Variants in SEMA5A observed in about 807,000 individuals in gnomAD.
The protein encoded by SEMA5A is semaphorin 5A.
In SEMA5A, 55 loss-of-function variants were observed where a neutral mutation model predicts 135.5. The ratio of observed to expected loss-of-function variants is 0.41; its 90% CI spans 0.33 to 0.51. SEMA5A has a LOEUF of 0.51. SEMA5A is among the 20% of genes least tolerant of loss of function. The pLI, the probability that SEMA5A is intolerant of heterozygous loss-of-function variation, is 0.37. For missense variants in SEMA5A, 1,290 were observed against 1,419.9 expected, an observed-to-expected ratio of 0.91 and a Z score of 1.47; for synonymous variants, 580 against 546.5, an observed-to-expected ratio of 1.06 and a Z score of -0.85.
chr5:9,275,172 T>C (rs893456777), intron 5 of SEMA5A, among the ~76,000 whole-genome samples: 25 of 151,986 alleles, frequency 1.6e-4, no homozygotes, highest in African/African-American at 6.0e-4. Context: ...CCCACAGAAA[T>C]GCAAACTACC....
rs1005670820 is a variant in SEMA5A at position 9,036,461 on chromosome 5, C to G, written c.*6436G>C. The G allele has an allele frequency of 6.6e-6, 1 of 152,154 alleles. No homozygotes were observed. The highest frequency in any genetic ancestry group is 2.4e-5 in the African/African-American group (1 of 41,438). The allele number at this position is 152,154 out of a possible 1,614,324, so 9.4% of individuals were successfully genotyped here. A position where few individuals can be genotyped will look rare whatever the true frequency, so the allele number is the denominator to read the frequency against. ...CAGCCTGTGTCTGATTTTCCTCTAT[C>G]TATGGACTTGCCTGAAGAGAAACAG... is the stretch of plus-strand genomic sequence containing the variant. On this transcript the variant is annotated 3_prime_UTR_variant, in exon 23 of 23. Transcript: ENST00000382496.
intron 10 of SEMA5A, among the ~76,000 whole-genome samples, chr5:9,193,755 T>C (rs1745236406): frequency 6.6e-6 from 1 of 152,036 alleles, no homozygotes; most frequent in African/African-American, 2.4e-5. Context: ...AAAAAATGCC[T>C]GGCGTGGTGG....
intron 18 of SEMA5A, among the ~76,000 whole-genome samples, chr5:9,054,601 C>T (rs1736786554): frequency 6.6e-6 from 1 of 152,176 alleles, no homozygotes; most frequent in South Asian, 2.1e-4. Context: ...AATTCCAGCC[C>T]CTGAGAACAA....
intron 2 of SEMA5A, among the ~76,000 whole-genome samples, chr5:9,389,022 C>CGAT (rs1554029589): frequency 2.0e-5 from 3 of 152,174 alleles, no homozygotes; most frequent in Non-Finnish European, 4.4e-5. Flanking sequence ...GAAGAAAAGA[C>CGAT]GATACCCTTC....
chr5:9,471,370 A>G (rs536176088), intron 1 of SEMA5A, among the ~76,000 whole-genome samples: 1 of 152,262 alleles, frequency 6.6e-6, no homozygotes, highest in East Asian at 1.9e-4. Flanking sequence ...GAGATAGCCT[A>G]AAATTGCCTT....
intron 5 of SEMA5A, among the ~76,000 whole-genome samples, chr5:9,278,126 A>AG (rs113378738): frequency 0.025 from 3,724 of 151,884 alleles, 122 homozygotes; most frequent in African/African-American, 0.061. Flanking sequence ...AAAAAAAAAA[A>AG]AAGAAGTCCC....
At position 9,377,955 on chromosome 5, in the gene SEMA5A, G is replaced by A. The variant is rs907600061; in HGVS notation, c.124+1868C>T. On this transcript the variant is annotated intron_variant, in intron 3 of 22. Coordinates refer to ENST00000382496, the MANE Select transcript of SEMA5A (RefSeq NM_003966.3). Reference sequence around the variant, plus strand: ...GTAAAGAAGCTCTCAAAGATGACTTGGATGGAGTCAGAAGAGTCCAGAAGC... The same window carrying A: ...GTAAAGAAGCTCTCAAAGATGACTTAGATGGAGTCAGAAGAGTCCAGAAGC... Among the ~76,000 whole-genome samples, 3 of 152,126 alleles carry A rather than the reference G, an allele frequency of 2.0e-5. No individual in the cohort carries two copies. In the East Asian group the frequency reaches 5.8e-4, roughly 29 times the overall value.
chr5:9,051,847 T>C (rs555277167), intron 20 of SEMA5A, 26 bp downstream of exon 20: 1 of 1,613,974 alleles, frequency 6.2e-7, no homozygotes, highest in African/African-American at 1.3e-5. Context: ...GATTTTATTC[T>C]TACTGATAAA....
chr5:9,433,712 TA>T (rs569165076), intron 2 of SEMA5A, among the ~76,000 whole-genome samples: 62 of 150,904 alleles, frequency 4.1e-4, no homozygotes, highest in Non-Finnish European at 5.8e-4. Flanking sequence ...ATAAAATATA[TA>T]AAAAAAGAAT....
chr5:9,078,978 G>A (rs1738222640), intron 16 of SEMA5A, among the ~76,000 whole-genome samples: 1 of 151,796 alleles, frequency 6.6e-6, no homozygotes, highest in Non-Finnish European at 1.5e-5. Flanking sequence ...TAAGTTTTGA[G>A]CTTTTGAGAA....
At chr5:9,454,468 G>A (rs1758758700) in intron 1 of SEMA5A, among the ~76,000 whole-genome samples, 1 of 152,196 alleles carries the variant, frequency 6.6e-6, no homozygotes, top group African/African-American at 2.4e-5. Context: ...TCTGTTCTGT[G>A]TTGAATTGAA....
chr5:9,099,611 G>C (rs1247030661), intron 16 of SEMA5A, among the ~76,000 whole-genome samples: 3 of 152,182 alleles, frequency 2.0e-5, no homozygotes, highest in Non-Finnish European at 4.4e-5. Context: ...ATCAGATACA[G>C]CAATTATTAA....
chr5:9,380,517 G>C (rs1370121067), intron 2 of SEMA5A, among the ~76,000 whole-genome samples: 1 of 152,086 alleles, frequency 6.6e-6, no homozygotes, highest in Non-Finnish European at 1.5e-5. Context: ...ATATTATGCT[G>C]CCCAACTTTA....
At chr5:9,386,639 T>C (rs2126511598) in intron 2 of SEMA5A, among the ~76,000 whole-genome samples, 1 of 152,306 alleles carries the variant, frequency 6.6e-6, no homozygotes, top group South Asian at 2.1e-4. Context: ...CGGCAGCTCC[T>C]TTCCAGAAAC....
At chr5:9,353,135 A>G (rs1361088821) in intron 3 of SEMA5A, among the ~76,000 whole-genome samples, 5 of 79,746 alleles carry the variant, frequency 6.3e-5, no homozygotes, top group African/African-American at 2.7e-4. Flanking sequence ...AGGAAAGGAA[A>G]GGAAAGGAAA....
intron 4 of SEMA5A, among the ~76,000 whole-genome samples, chr5:9,333,709 A>C (rs936176221): frequency 2.0e-5 from 3 of 152,234 alleles, no homozygotes; most frequent in Non-Finnish European, 2.9e-5. Flanking sequence ...TTTGTGACAA[A>C]GAAGTATGCA....
At chr5:9,366,906 A>G (rs1431456267) in intron 3 of SEMA5A, among the ~76,000 whole-genome samples, 2 of 152,316 alleles carry the variant, frequency 1.3e-5, no homozygotes, top group South Asian at 2.1e-4. Flanking sequence ...TAGATTTTCT[A>G]TACATCAGAG....
At chr5:9,521,399 G>A (rs1281958102) in intron 1 of SEMA5A, among the ~76,000 whole-genome samples, 2 of 152,134 alleles carry the variant, frequency 1.3e-5, no homozygotes, top group African/African-American at 4.8e-5. Flanking sequence ...AACAGAGTGA[G>A]ATACTGTCTT....
intron 5 of SEMA5A, among the ~76,000 whole-genome samples, chr5:9,304,715 C>G (rs1017608655): frequency 6.6e-6 from 1 of 152,162 alleles, no homozygotes; most frequent in African/African-American, 2.4e-5. Flanking sequence ...CCTCCATCAA[C>G]ATAGATGCAT....
Sources: gnomAD v4.1 joint callset for allele counts (sites outside exome capture counted in the v4.1 genomes callset) on GRCh38, gnomAD v4.1.1 for gene constraint, MANE v1.5 for transcripts, NCBI Gene and HGNC (gene_info 2026-07-23, HGNC 2026-07-21) for gene names.